FBRSL1: variants seen among roughly 807,000 people sequenced by gnomAD.
The protein encoded by FBRSL1 is fibrosin-1-like protein.
A neutral mutation model predicts 89.6 loss-of-function variants in FBRSL1; 51 were observed. That is an observed-to-expected ratio of 0.57 (90% CI 0.45 to 0.72). FBRSL1 has a LOEUF of 0.72. Ranked by LOEUF, FBRSL1 falls within the 30% of genes least tolerant of loss-of-function variation. The pLI, the probability that FBRSL1 is intolerant of heterozygous loss-of-function variation, is 0.00. For missense variants in FBRSL1, 1,618 were observed against 1,451.8 expected, an observed-to-expected ratio of 1.11 and a Z score of -1.86; for synonymous variants, 779 against 681.1, an observed-to-expected ratio of 1.14 and a Z score of -2.24.
chr12:132,530,092 G>A (rs2036135885), intron 4 of FBRSL1, among the ~76,000 whole-genome samples: 1 of 151,982 alleles, frequency 6.6e-6, no homozygotes, highest in Non-Finnish European at 1.5e-5. Context: ...CCATCATCAT[G>A]AGTATGATGA....
intron 1 of FBRSL1, 78 bp downstream of exon 1, chr12:132,490,939 C>G (rs1340261029): frequency 9.4e-7 from 1 of 1,063,256 alleles, no homozygotes; most frequent in Non-Finnish European, 1.2e-6. Context: ...GATCCCGGGA[C>G]CCCTGGGCTT....
chr12:132,525,850 A>T (rs572291037), intron 3 of FBRSL1, 27 bp downstream of exon 3: 30 of 1,529,822 alleles, frequency 2.0e-5, no homozygotes, highest in South Asian at 4.8e-5. Flanking sequence ...CCGCGCCCGG[A>T]GGCTCCGAGT....
chr12:132,530,749 G>T (rs1353278052), intron 4 of FBRSL1, among the ~76,000 whole-genome samples: 10 of 134,326 alleles, frequency 7.4e-5, no homozygotes, highest in African/African-American at 2.6e-4. Flanking sequence ...GAGGGGGAAG[G>T]GGGGAGGGGC....
At chr12:132,562,104 C>T (rs1280544755) in intron 5 of FBRSL1, among the ~76,000 whole-genome samples, 1 of 152,190 alleles carries the variant, frequency 6.6e-6, no homozygotes, top group African/African-American at 2.4e-5. Flanking sequence ...CTTCCTGTTT[C>T]CGATGCTGGG....
At chr12:132,548,156 C>T (rs1012603348) in intron 5 of FBRSL1, 124 bp downstream of exon 5, 15 of 1,205,298 alleles carry the variant, frequency 1.2e-5, no homozygotes, top group Admixed American at 6.4e-5. Context: ...TCCCCCCGCC[C>T]GGTGGGTGCA....
Position 132,490,383 on chromosome 12 carries a change from G to A in FBRSL1, c.-188G>A. 5.0e-6 allele frequency: 1 copy of A among 199,646 alleles called. No homozygotes were observed. Among genetic ancestry groups the A allele is most frequent in the Non-Finnish European group, 8.5e-6 (1 of 118,098 alleles). The allele number at this position is 199,646 out of a possible 1,614,324, so 12.4% of individuals were successfully genotyped here. On this transcript the variant is annotated 5_prime_UTR_variant, in exon 1 of 19. Coordinates refer to ENST00000680143, the MANE Select transcript of FBRSL1 (RefSeq NM_001367871.1). ...CGCGCCGGGGGTCCCAGGCCGCGCC[G>A]GGCCCGGGGCTGAGCCGCCCCCCGC...
At chr12:132,510,806 G>C in intron 2 of FBRSL1, 6 of 1,123,368 alleles carry the variant, frequency 5.3e-6, no homozygotes, top group Non-Finnish European at 6.5e-6. Flanking sequence ...CAGCCCCTGA[G>C]GGCGGGGACC....
chr12:132,563,296 C>T (rs1189761374), intron 5 of FBRSL1, among the ~76,000 whole-genome samples: 2 of 83,924 alleles, frequency 2.4e-5, no homozygotes, highest in Non-Finnish European at 4.9e-5. Context: ...GCCCCCACGT[C>T]TGGCCCCCCA....
chr12:132,572,508 C>A lies in FBRSL1; in HGVS notation c.1435-19C>A. 1.3e-6 allele frequency: 2 copies of A among 1,541,502 alleles called. No individual in the cohort carries two copies. Among genetic ancestry groups the A allele is most frequent in the South Asian group, 2.4e-5 (2 of 83,878 alleles). On this transcript the variant is annotated intron_variant, in intron 10 of 18. Coordinates refer to ENST00000680143, the MANE Select transcript of FBRSL1 (RefSeq NM_001367871.1). ...TGAGGACTTGGGCCCCCCCTCCATC[C>A]GCTCTCCTTCTCTTACAGTTCTTCC...
intron 1 of FBRSL1, among the ~76,000 whole-genome samples, chr12:132,496,127 C>T (rs543416783): frequency 6.6e-6 from 1 of 152,376 alleles, no homozygotes; most frequent in African/African-American, 2.4e-5. Flanking sequence ...CGTTTGGGGC[C>T]TGGTGCCGGC....
chr12:132,573,008 C>T (rs933467714), intron 11 of FBRSL1, among the ~76,000 whole-genome samples: 4 of 152,168 alleles, frequency 2.6e-5, no homozygotes, highest in Non-Finnish European at 2.9e-5. Context: ...GAGGTTCTTA[C>T]GGGGCCGTCC....
At chr12:132,493,085 G>C (rs1209468370) in intron 1 of FBRSL1, among the ~76,000 whole-genome samples, 4 of 152,242 alleles carry the variant, frequency 2.6e-5, no homozygotes, top group Non-Finnish European at 5.9e-5. Flanking sequence ...TGGGGACCTT[G>C]AGGCTCCCCA....
chr12:132,576,907 G>A lies in FBRSL1; in HGVS notation c.1810G>A (p.Ala604Thr), dbSNP rs2040416358. Residue 604 changes from alanine to threonine, a missense_variant, in exon 15 of 19, where the codon GCC becomes ACC. Ala to Thr is a moderately conservative substitution (Grantham distance 58). Coordinates refer to ENST00000680143, the MANE Select transcript of FBRSL1 (RefSeq NM_001367871.1). ...AGGCTTCCACTACCCACAGGACCTG[G>A]CCCGGCCCCTCTTCCCCAGCACAGG... ...FAGFHYPQDL[A>T]RPLFPSTGAA... 1.9e-6 allele frequency: 3 copies of A among 1,549,868 alleles called. No homozygotes were observed. Among genetic ancestry groups the A allele is most frequent in the African/African-American group, 2.7e-5 (2 of 73,126 alleles).
intron 1 of FBRSL1, among the ~76,000 whole-genome samples, chr12:132,502,147 C>T (rs1435404297): frequency 1.3e-5 from 2 of 152,214 alleles, no homozygotes; most frequent in East Asian, 1.9e-4. Flanking sequence ...CCCCAACCTG[C>T]GGCAGCCCCG....
chr12:132,524,935 G>A (rs1206151654), intron 2 of FBRSL1, among the ~76,000 whole-genome samples: 5 of 152,242 alleles, frequency 3.3e-5, no homozygotes, highest in Non-Finnish European at 1.5e-5. Flanking sequence ...TCCGTGAAAT[G>A]TAAAGGAAAA....
At chr12:132,559,305 G>A (rs1252490736) in intron 5 of FBRSL1, among the ~76,000 whole-genome samples, 1 of 152,252 alleles carries the variant, frequency 6.6e-6, no homozygotes, top group Non-Finnish European at 1.5e-5. Context: ...AGAAACCGAG[G>A]CCCAGGGAGG....
At chr12:132,524,179 G>A (rs1398880206) in intron 2 of FBRSL1, among the ~76,000 whole-genome samples, 1 of 152,252 alleles carries the variant, frequency 6.6e-6, no homozygotes, top group Non-Finnish European at 1.5e-5. Flanking sequence ...ACAGTGCCAG[G>A]AAGAGCCGGG....
intron 4 of FBRSL1, among the ~76,000 whole-genome samples, chr12:132,528,822 G>C (rs2036020724): frequency 6.6e-6 from 1 of 152,134 alleles, no homozygotes. Flanking sequence ...TGGGTACACG[G>C]GTGTGTTTCA....
intron 6 of FBRSL1, among the ~76,000 whole-genome samples, chr12:132,569,501 G>C (rs1482153968): frequency 2.6e-5 from 4 of 152,184 alleles, no homozygotes; most frequent in Admixed American, 6.5e-5. Flanking sequence ...CCGTGAACAT[G>C]AGGCCTAGGT....
Sources: gnomAD v4.1 joint callset for allele counts (sites outside exome capture counted in the v4.1 genomes callset) on GRCh38, gnomAD v4.1.1 for gene constraint, MANE v1.5 for transcripts, NCBI Gene and HGNC (gene_info 2026-07-23, HGNC 2026-07-21) for gene names.